Variants in ELAVL2 observed in about 807,000 individuals in gnomAD.
ELAVL2 encodes ELAV-like protein 2.
A neutral mutation model predicts 34.6 loss-of-function variants in ELAVL2; 4 were observed. That is an observed-to-expected ratio of 0.12 (90% CI 0.06 to 0.26). The LOEUF is 0.26. Among genes scored for constraint, ELAVL2 ranks in the 10% least tolerant of loss-of-function variants. The pLI is 1.00. For synonymous variants in ELAVL2, 193 were observed against 154.8 expected, an observed-to-expected ratio of 1.25 and a Z score of -1.83; for missense variants, 432 against 442.8, an observed-to-expected ratio of 0.98 and a Z score of 0.22.
chr9:23,845,816 A>T, the ELAVL2 span, among the ~76,000 whole-genome samples: 10 of 151,656 alleles, frequency 6.6e-5, no homozygotes, highest in African/African-American at 9.7e-5. Flanking sequence ...GCAATTTTTT[A>T]AAAAAAAGAT....
chr9:23,848,338 A>G, the ELAVL2 span, among the ~76,000 whole-genome samples: 1 of 152,212 alleles, frequency 6.6e-6, no homozygotes, highest in Non-Finnish European at 1.5e-5. Context: ...ATAAAATACT[A>G]TATTCTAATC....
At chr9:23,820,061 A>G (rs913085407) in intron 1 of ELAVL2, among the ~76,000 whole-genome samples, 2 of 152,188 alleles carry the variant, frequency 1.3e-5, no homozygotes, top group Admixed American at 1.3e-4. Context: ...TAGATGCAGG[A>G]CAGCTTTTCC....
intron 3 of ELAVL2, among the ~76,000 whole-genome samples, chr9:23,727,119 T>A (rs1356688454): frequency 6.6e-6 from 1 of 152,060 alleles, no homozygotes; most frequent in Non-Finnish European, 1.5e-5. Context: ...ATGTCAACAC[T>A]GGGGATACTG....
chr9:23,812,574 G>A (rs1186481623), intron 1 of ELAVL2, among the ~76,000 whole-genome samples: 1 of 151,994 alleles, frequency 6.6e-6, no homozygotes, highest in African/African-American at 2.4e-5. Flanking sequence ...CAAGCAACAC[G>A]TTCACCTAAA....
intron 2 of ELAVL2, among the ~76,000 whole-genome samples, chr9:23,736,278 T>A (rs1159835588): frequency 6.6e-6 from 1 of 151,880 alleles, no homozygotes; most frequent in Non-Finnish European, 1.5e-5. Flanking sequence ...ATTTTGTATT[T>A]AAAAAAAACA....
At chr9:23,748,473 T>C (rs1004277491) in intron 2 of ELAVL2, among the ~76,000 whole-genome samples, 1 of 152,106 alleles carries the variant, frequency 6.6e-6, no homozygotes, top group Non-Finnish European at 1.5e-5. Flanking sequence ...CAAAACTACT[T>C]GGGTTCTTCT....
At chr9:23,768,661 T>A (rs1191592392) in intron 1 of ELAVL2, among the ~76,000 whole-genome samples, 1 of 152,088 alleles carries the variant, frequency 6.6e-6, no homozygotes, top group Non-Finnish European at 1.5e-5. Flanking sequence ...CCATCTACCT[T>A]TGTGAAAAGT....
chr9:23,743,745 T>TA (rs1259033009), intron 2 of ELAVL2, among the ~76,000 whole-genome samples: 3 of 152,150 alleles, frequency 2.0e-5, no homozygotes, highest in East Asian at 1.9e-4. Flanking sequence ...GGTAGAGGGT[T>TA]AAAAAAATCT....
intron 1 of ELAVL2, among the ~76,000 whole-genome samples, chr9:23,775,250 A>C (rs1165443685): frequency 6.6e-6 from 1 of 152,074 alleles, no homozygotes; most frequent in Non-Finnish European, 1.5e-5. Context: ...TTACAAACAA[A>C]ATCTTATTTA....
intron 2 of ELAVL2, among the ~76,000 whole-genome samples, chr9:23,746,042 G>A (rs1441023484): frequency 2.0e-5 from 3 of 151,942 alleles, no homozygotes; most frequent in East Asian, 3.9e-4. Context: ...AGGGAGGATC[G>A]GTATCTTCAC....
intron 1 of ELAVL2, among the ~76,000 whole-genome samples, chr9:23,816,728 G>T (rs2063772186): frequency 6.6e-6 from 1 of 152,124 alleles, no homozygotes; most frequent in Admixed American, 6.6e-5. Flanking sequence ...ATAGGGCAAT[G>T]GTAGCAAGCC....
At chr9:23,719,630 A>G (rs1030412648) in intron 3 of ELAVL2, among the ~76,000 whole-genome samples, 11 of 152,184 alleles carry the variant, frequency 7.2e-5, no homozygotes, top group African/African-American at 2.4e-4. Context: ...TTAAGTTTGC[A>G]TATAGCAAAA....
chr9:23,820,643 A>ACT (rs77653176), intron 1 of ELAVL2, among the ~76,000 whole-genome samples: 19,457 of 152,160 alleles, frequency 0.13, 1,553 homozygotes, highest in Middle Eastern at 0.19. Flanking sequence ...CGTGAGAAAG[A>ACT]CTGCTGGCTA....
At chr9:23,733,172 T>TA (rs397953305) in intron 2 of ELAVL2, among the ~76,000 whole-genome samples, 31,898 of 104,386 alleles carry the variant, frequency 0.31, 4,063 homozygotes, top group Admixed American at 0.35. Flanking sequence ...CTAGAAAGCT[T>TA]AAAAAAAAAA....
intron 3 of ELAVL2, among the ~76,000 whole-genome samples, chr9:23,725,194 A>T (rs1267310716): frequency 6.6e-6 from 1 of 152,188 alleles, no homozygotes; most frequent in African/African-American, 2.4e-5. Context: ...TACTCTGCTC[A>T]AAACCCTCCG....
chr9:23,841,771 G>A, the ELAVL2 span, among the ~76,000 whole-genome samples: 1 of 152,182 alleles, frequency 6.6e-6, no homozygotes, highest in African/African-American at 2.4e-5. Context: ...TAGGGTTATT[G>A]TAAAGCTAAA....
intron 1 of ELAVL2, among the ~76,000 whole-genome samples, chr9:23,775,392 A>G (rs1042636813): frequency 6.6e-6 from 1 of 152,190 alleles, no homozygotes; most frequent in African/African-American, 2.4e-5. Flanking sequence ...TATGCACTAT[A>G]AGCTATATTA....
At chr9:23,716,152 C>G (rs1249031788) in intron 3 of ELAVL2, among the ~76,000 whole-genome samples, 1 of 130,058 alleles carries the variant, frequency 7.7e-6, no homozygotes, top group African/African-American at 3.0e-5. Context: ...ACATCACACA[C>G]CGGGGCCTGT....
At chr9:23,814,531 GA>G (rs2063450938) in intron 1 of ELAVL2, among the ~76,000 whole-genome samples, 1 of 152,262 alleles carries the variant, frequency 6.6e-6, no homozygotes, top group African/African-American at 2.4e-5. Context: ...TCGTATTTGG[GA>G]AAAGTCCATG....
Sources: gnomAD v4.1 joint callset for allele counts (sites outside exome capture counted in the v4.1 genomes callset) on GRCh38, gnomAD v4.1.1 for gene constraint, MANE v1.5 for transcripts, NCBI Gene and HGNC (gene_info 2026-07-23, HGNC 2026-07-21) for gene names.